The following ABCA2 variants were observed in gnomAD, a reference collection of about 807,000 sequenced individuals.
The protein encoded by ABCA2 is ATP-binding cassette sub-family A member 2.
Under a neutral mutation model 262.8 loss-of-function variants are expected in ABCA2, and 84 were observed. The ratio of observed to expected loss-of-function variants is 0.32; its 90% CI spans 0.27 to 0.38. The LOEUF (loss-of-function observed/expected upper bound fraction) is 0.38. Among genes scored for constraint, ABCA2 ranks in the 10% least tolerant of loss-of-function variants. The pLI is 1.00. For synonymous variants in ABCA2, 1,696 were observed against 1,502.9 expected (o/e 1.13, Z -2.97); for missense variants, 2,662 against 3,405.9 (o/e 0.78, Z 5.44).
chr9:137,020,509 CAG>C lies in ABCA2; in HGVS notation c.1266-16_1266-15del, dbSNP rs747750373. 3.2e-5 allele frequency: 50 copies of C among 1,576,242 alleles called. No homozygotes were observed. The highest frequency in any genetic ancestry group is 2.5e-5 in the Non-Finnish European group (29 of 1,162,560). On this transcript the variant is annotated splice_polypyrimidine_tract_variant and intron_variant, in intron 9 of 48. Transcript: ENST00000341511. ...GGTTCAATGGTGCTGGGGTAGGGGA[CAG>C]GGGGCCGGGCCAGGCCGTTAGGGGG...
chr9:137,025,453 C>G (rs1406672565), intron 1 of ABCA2, among the ~76,000 whole-genome samples: 1 of 152,254 alleles, frequency 6.6e-6, no homozygotes, highest in Non-Finnish European at 1.5e-5. Flanking sequence ...CCTTCAGAGC[C>G]CCCAGTGTGC....
chr9:137,017,891 C>G lies in ABCA2; in HGVS notation c.2107G>C (p.Val703Leu). 2 of 1,612,604 alleles carry G rather than the reference C, an allele frequency of 1.2e-6. No homozygotes were observed. Among genetic ancestry groups the G allele is most frequent in the Non-Finnish European group, 1.7e-6 (2 of 1,179,860 alleles). The part of the protein sequence containing the change: ...PCYTRDDFLF[V>L]IEHMMPLCMV... ...CACAGCGGCATCATGTGCTCAATGA[C>G]AAACAGGAAGCTGCGGGGAGGCCGC... The change falls in exon 16 of 49, where the codon GTC becomes CTC. Residue 703 changes from valine to leucine, a missense_variant. Transcript: ENST00000341511.
chr9:137,016,341 G>A lies in ABCA2; in HGVS notation c.3054C>T (p.Asn1018=), dbSNP rs763219179. Residue 1018 remains asparagine, a synonymous_variant, in exon 21 of 49, where the codon AAC becomes AAT. Transcript: ENST00000341511. The part of the protein sequence containing the change: ...LNKLSLNLYE[N]QVVSFLGHNG... ...TGTGGCCCAAGAAGGAGACCACCTGGTTCTCGTAGAGGTTCAGGCTCAGCT... is the reference window on the plus strand; with the variant it reads ...TGTGGCCCAAGAAGGAGACCACCTGATTCTCGTAGAGGTTCAGGCTCAGCT... 9 of 1,612,776 alleles carry A rather than the reference G, an allele frequency of 5.6e-6. No individual in the cohort carries two copies. Among genetic ancestry groups the A allele is most frequent in the South Asian group, 2.2e-5 (2 of 91,096 alleles).
In ABCA2 at chr9:137,010,666, CGGAGCACT is replaced by C; in HGVS notation, c.6120_6127del (p.Val2041GlyfsTer6). ...GACCATGTCATTGTCGGCGTCTCCC[CGGAGCACT>C]CGCTGCCGCTCACTGGCCACGTCCA... is the stretch of plus-strand genomic sequence containing the variant. On this transcript the variant is annotated frameshift_variant, in exon 40 of 49. Coordinates refer to ENST00000341511, the MANE Select transcript of ABCA2 (RefSeq NM_001606.5). LOFTEE classifies it high-confidence loss of function. The C allele has an allele frequency of 6.2e-7, 1 of 1,612,432 alleles. No homozygotes were observed. The highest frequency in any genetic ancestry group is 8.5e-7 in the Non-Finnish European group (1 of 1,179,834).
chr9:137,012,812 G>T lies in ABCA2; in HGVS notation c.4981C>A (p.Pro1661Thr). ...SCPSSVGGHP[P>T]QMRVVTGDIL... ...TCGCCTGTGACCACCCGCATCTGGGGCGGGTGCCCGCCCACACTGCTGGGG... is the reference window on the plus strand; with the variant it reads ...TCGCCTGTGACCACCCGCATCTGGGTCGGGTGCCCGCCCACACTGCTGGGG... Residue 1661 changes from proline (P) to threonine (T), a missense_variant, in exon 31 of 49, where the codon CCC becomes ACC. Pro to Thr is a conservative substitution (Grantham distance 38). Transcript: ENST00000341511. The T allele has an allele frequency of 6.2e-7, 1 of 1,610,738 alleles. No homozygotes were observed. Among genetic ancestry groups the T allele is most frequent in the Non-Finnish European group, 8.5e-7 (1 of 1,179,154 alleles).
At chr9:137,016,860 G>C in intron 19 of ABCA2, 60 bp downstream of exon 19, 1 of 1,590,892 alleles carries the variant, frequency 6.3e-7, no homozygotes, top group African/African-American at 1.3e-5. Context: ...CAGACTGCTG[G>C]TCCCCAACCC....
At position 137,011,305 on chromosome 9, in the gene ABCA2, A is replaced by G. The variant is rs1831035691; in HGVS notation, c.5804T>C (p.Leu1935Pro). The change falls in exon 38 of 49, where the codon CTG becomes CCG. Residue 1935 changes from leucine to proline, a missense_variant. Transcript: ENST00000341511. The surrounding 1 kb of genome is among the most constrained non-coding windows in gnomAD (Gnocchi z 8.8). ...TTTCAGGTAACTGTTGACAACCTTC[A>G]GGTCCTGCGGGGTGGCCGGGGTCAG... ...LLQLFEHDKD[L>P]KVVNSYLKSC... The G allele has an allele frequency of 6.2e-7, 1 of 1,610,794 alleles. No homozygotes were observed. The highest frequency in any genetic ancestry group is 8.5e-7 in the Non-Finnish European group (1 of 1,178,858).
chr9:137,018,243 T>C lies in ABCA2; in HGVS notation c.1928A>G (p.Tyr643Cys). Residue 643 changes from tyrosine (Y) to cysteine (C), a missense_variant, in exon 14 of 49, where the codon TAC (tyrosine) becomes TGC (cysteine). Tyr to Cys is a radical substitution (Grantham distance 194). Coordinates refer to ENST00000341511, the MANE Select transcript of ABCA2 (RefSeq NM_001606.5). Reference protein sequence around the residue: ...TEKTNEIRRAYWRPGPNTGGR... With the variant: ...TEKTNEIRRACWRPGPNTGGR... ...GCCAGTATTGGGCCCAGGCCGCCAG[T>C]AGGCGCGGCGGATCTCGTTGGTTTT... 6.2e-7 allele frequency: 1 copy of C among 1,607,938 alleles called. No homozygotes were observed. Among genetic ancestry groups the C allele is most frequent in the Non-Finnish European group, 8.5e-7 (1 of 1,178,860 alleles).
rs1383542970 is a variant in ABCA2, at chr9:137,014,022, G to A, written c.4257C>T (p.Ala1419=). 1.2e-6 allele frequency: 2 copies of A among 1,611,176 alleles called. No homozygotes were observed. The highest frequency in any genetic ancestry group is 1.7e-6 in the Non-Finnish European group (2 of 1,179,810). The change falls in exon 28 of 49, where the codon GCC becomes GCT. Residue 1419 remains alanine, a synonymous_variant. Transcript: ENST00000341511. ...GGCTGCCCTGGCCGACCCTCGACAG[G>A]GCCTCTGCCTCCACCTCTGTGCAGA... ...NVSLQEVEAE[A]LSRVGQGSRK...
At chr9:137,027,034 G>A (rs913055272) in intron 1 of ABCA2, among the ~76,000 whole-genome samples, 1 of 152,252 alleles carries the variant, frequency 6.6e-6, no homozygotes, top group Non-Finnish European at 1.5e-5. Flanking sequence ...TGCAGTGCAT[G>A]TTGAAAGATA....
In ABCA2 at chr9:137,008,667, G is replaced by A. The variant is rs771899797; in HGVS notation, c.7069-45C>T. ...TGTGGGGAGGGGGCTGGTCTGGGGT[G>A]AGGAGGGGCAGGGCGGGTGAGGGGA... On this transcript the variant is annotated intron_variant, in intron 47 of 48. Transcript: ENST00000341511. The A allele has an allele frequency of 3.8e-6, 6 of 1,565,006 alleles. No homozygotes were observed. In the South Asian group the frequency reaches 4.7e-5, roughly 12 times the overall value.
rs1029509467 is a variant in ABCA2 at position 137,012,990 on chromosome 9, CT to C, written c.4867+11del. On this transcript the variant is annotated intron_variant, in intron 30 of 48. Transcript: ENST00000341511. The stretch of plus-strand genomic sequence containing the variant: ...TGCCCCTGCCCCCCCAGCAGGCCCC[CT>C]GAACCACTACCTGGCCCAGCGGTGG... The C allele has an allele frequency of 6.7e-7, 1 of 1,488,410 alleles. No homozygotes were observed. Among genetic ancestry groups the C allele is most frequent in the Non-Finnish European group, 9.0e-7 (1 of 1,116,964 alleles). 92.2% of individuals were successfully genotyped at this position (1,488,410 alleles called of 1,614,324 possible).
In ABCA2 at chr9:137,019,050, C is replaced by T. The variant is rs1026819712; in HGVS notation, c.1575G>A (p.Leu525=). The change falls in exon 12 of 49, where the codon CTG becomes CTA. Residue 525 remains leucine (L), a synonymous_variant. Coordinates refer to ENST00000341511, the MANE Select transcript of ABCA2 (RefSeq NM_001606.5). This position sits in a 1 kb window ranked among gnomAD's most constrained non-coding sequence, Gnocchi z 4.4. ...WLQQYVAELR[L]HPEALNLSLD... is the part of the protein sequence containing the mutation. ...GTGACAGGTTCAGTGCCTCGGGGTG[C>T]AGCCGCAGCTCTGCTACATACTTGG... 2.9e-5 allele frequency: 46 copies of T among 1,611,354 alleles called. No homozygotes were observed. Among genetic ancestry groups the T allele is most frequent in the Non-Finnish European group, 3.6e-5 (43 of 1,178,994 alleles).
chr9:137,023,828 G>A lies in ABCA2; in HGVS notation c.163+10C>T, dbSNP rs376809252. On this transcript the variant is annotated intron_variant, in intron 3 of 48. Transcript: ENST00000341511. ...CCAGGCCAGCCAGGAGGAGGTGGCCGCTCACTTACAGACTGCATGCCAGCC... is the reference window on the plus strand; with the variant it reads ...CCAGGCCAGCCAGGAGGAGGTGGCCACTCACTTACAGACTGCATGCCAGCC... 45 of 783,822 alleles carry A rather than the reference G, an allele frequency of 5.7e-5. No homozygotes were observed. The highest frequency in any genetic ancestry group is 2.2e-4 in the Admixed American group (12 of 53,670). The allele number at this position is 783,822 out of a possible 1,614,324, so 48.6% of individuals were successfully genotyped here.
rs368487189 is a variant in ABCA2 at position 137,020,782 on chromosome 9, G to A, written c.1177C>T (p.Leu393=). ...CCCTGCAGCGTGTCCGGGGTGGCCA[G>A]TGCTGCAGCAGAGGGTGCGCCCTCC... The part of the protein sequence containing the change: ...AEEGAPSAAA[L]ATPDTLQGQC... Residue 393 remains leucine (L), a synonymous_variant, in exon 9 of 49, where the codon CTG becomes TTG. Coordinates refer to ENST00000341511, the MANE Select transcript of ABCA2 (RefSeq NM_001606.5). 1.6e-5 allele frequency: 25 copies of A among 1,592,992 alleles called. No individual in the cohort carries two copies. Among genetic ancestry groups the A allele is most frequent in the South Asian group, 2.2e-5 (2 of 89,308 alleles).
At chr9:137,018,639 G>T in intron 13 of ABCA2, 80 bp downstream of exon 13, 1 of 1,216,252 alleles carries the variant, frequency 8.2e-7, no homozygotes. Context: ...GGAGTGGGAG[G>T]GCACAGGGGG....
Position 137,021,942 on chromosome 9 carries a change from C to T in ABCA2, c.627G>A (p.Lys209=). 4 of 1,605,474 alleles carry T rather than the reference C, an allele frequency of 2.5e-6. No homozygotes were observed. The highest frequency in any genetic ancestry group is 1.3e-5 in the African/African-American group (1 of 74,478). The change falls in exon 7 of 49, where the codon AAG becomes AAA. Residue 209 remains lysine, a synonymous_variant. Transcript: ENST00000341511. The surrounding 1 kb of genome is among the most constrained non-coding windows in gnomAD (Gnocchi z 6.0). ...SALDSQSGLH[K]GQEPWSRLGG... ...CTAGGCGGCTCCAGGGCTCCTGACC[C>T]TTGTGGAGGCCAGACTGTGAATCCA...
chr9:137,012,434 A>G (rs1489575308), intron 32 of ABCA2, 51 bp downstream of exon 32: 3 of 1,608,458 alleles, frequency 1.9e-6, no homozygotes, highest in Admixed American at 3.3e-5. Flanking sequence ...GTCCCTGCAG[A>G]CCTCGGGCGG....
chr9:137,021,374 G>A lies in ABCA2; in HGVS notation c.897+18C>T, dbSNP rs1564228505. ...GGCAGCAAGCAGCGCAGCGGGCAGT[G>A]GGCAGGCAGGGCCTCACCTGCTGGG... On this transcript the variant is annotated intron_variant, in intron 8 of 48. Coordinates refer to ENST00000341511, the MANE Select transcript of ABCA2 (RefSeq NM_001606.5). This position sits in a 1 kb window ranked among gnomAD's most constrained non-coding sequence, Gnocchi z 6.0. The A allele has an allele frequency of 1.2e-6, 2 of 1,600,926 alleles. No homozygotes were observed. Among genetic ancestry groups the A allele is most frequent in the Non-Finnish European group, 1.7e-6 (2 of 1,178,436 alleles).
Sources: gnomAD v4.1 joint callset for allele counts (sites outside exome capture counted in the v4.1 genomes callset) on GRCh38, gnomAD v4.1.1 for gene constraint, Gnocchi (gnomAD v3.1) non-coding constraint, MANE v1.5 for transcripts, NCBI Gene and HGNC (gene_info 2026-07-23, HGNC 2026-07-21) for gene names.